TMOD2: variants seen among roughly 807,000 people sequenced by gnomAD.
TMOD2 encodes tropomodulin-2.
A neutral mutation model predicts 39.9 loss-of-function variants in TMOD2; 22 were observed. That is an observed-to-expected ratio of 0.55 (90% CI 0.39 to 0.79). The LOEUF (loss-of-function observed/expected upper bound fraction) is 0.79, where lower values mean the gene tolerates loss of function less well. Among genes scored for constraint, TMOD2 ranks in the 30% least tolerant of loss-of-function variants. The pLI is 0.00. For missense variants in TMOD2, 386 were observed against 413.3 expected, an observed-to-expected ratio of 0.93 and a Z score of 0.57; for synonymous variants, 123 against 146.1, an observed-to-expected ratio of 0.84 and a Z score of 1.14.
At chr15:51,788,998 C>T (rs918407106) in intron 7 of TMOD2, among the ~76,000 whole-genome samples, 1 of 152,200 alleles carries the variant, frequency 6.6e-6, no homozygotes, top group Admixed American at 6.5e-5. Flanking sequence ...GGATCAAATT[C>T]ACATATAACA....
In TMOD2 at chr15:51,782,775, C is replaced by A. The variant is rs781744279; in HGVS notation, c.679C>A (p.His227Asn). The change falls in exon 7 of 10, where the codon CAC (histidine) becomes AAC (asparagine). Residue 227 changes from histidine (H) to asparagine (N), a missense_variant. His to Asn is a moderately conservative substitution (Grantham distance 68, BLOSUM62 1). Transcript: ENST00000249700. The stretch of plus-strand genomic sequence containing the variant: ...TGCAAAGGCTCTGGAGACCAACACT[C>A]ACGTGAAGAAGTTCAGCCTGGCCGC... ...EFAKALETNT[H>N]VKKFSLAATR... 2 of 1,614,086 alleles carry A rather than the reference C, an allele frequency of 1.2e-6. No individual in the cohort carries two copies. The highest frequency in any genetic ancestry group is 1.1e-5 in the South Asian group (1 of 91,074).
Position 51,805,420 on chromosome 15 carries a change from A to G in TMOD2, c.877-957A>G, listed in dbSNP as rs16964530. Among the ~76,000 whole-genome samples the G allele has an allele frequency of 9.4e-3, 1,427 of 152,336 alleles. 15 individuals are homozygous for G. The highest frequency in any genetic ancestry group is 0.019 in the African/African-American group (789 of 41,564). On this transcript the variant is annotated intron_variant, in intron 8 of 9. Transcript: ENST00000249700. ...GTTTGCTGATTTCATCCAAACGTGTACATGGTTCAAACCACAATAAAGCTG... is the reference window on the plus strand; with the variant it reads ...GTTTGCTGATTTCATCCAAACGTGTGCATGGTTCAAACCACAATAAAGCTG...
chr15:51,773,918 C>A, intron 4 of TMOD2, 84 bp downstream of exon 4: 1 of 1,456,564 alleles, frequency 6.9e-7, no homozygotes, highest in Non-Finnish European at 9.2e-7. Flanking sequence ...AGGCTTTGAG[C>A]TTCTCTTAGG....
chr15:51,799,376 A>C (rs2056073610), intron 8 of TMOD2, among the ~76,000 whole-genome samples: 1 of 152,128 alleles, frequency 6.6e-6, no homozygotes, highest in African/African-American at 2.4e-5. Flanking sequence ...GCAGAGTGCC[A>C]TCCAGGACTG....
At position 51,768,509 on chromosome 15, in the gene TMOD2, T is replaced by C. The variant is rs943920811; in HGVS notation, c.283+91T>C. 3.1e-6 allele frequency: 4 copies of C among 1,274,788 alleles called. No individual in the cohort carries two copies. In the African/African-American group the frequency reaches 6.0e-5, roughly 19 times the overall value. The allele number at this position is 1,274,788 out of a possible 1,614,324, so 79.0% of individuals were successfully genotyped here. On this transcript the variant is annotated intron_variant, in intron 3 of 9. Transcript: ENST00000249700. Reference sequence around the variant, plus strand: ...ACTCTTAATTAAGATTACCTCTTTTTATTTTATTGTCGTGGAGGATCAAGC... The same window carrying C: ...ACTCTTAATTAAGATTACCTCTTTTCATTTTATTGTCGTGGAGGATCAAGC...
intron 8 of TMOD2, among the ~76,000 whole-genome samples, chr15:51,800,586 C>T (rs2056080663): frequency 6.6e-6 from 1 of 152,164 alleles, no homozygotes; most frequent in Non-Finnish European, 1.5e-5. Flanking sequence ...CTAAAATCCC[C>T]TCTAAATCAA....
chr15:51,775,609 ACT>A (rs2055882790), intron 4 of TMOD2, among the ~76,000 whole-genome samples: 1 of 111,432 alleles, frequency 9.0e-6, no homozygotes, highest in Non-Finnish European at 1.7e-5. Context: ...ACGGAGTCTC[ACT>A]CTGTCACCCA....
chr15:51,799,555 C>G (rs897998581), intron 8 of TMOD2, among the ~76,000 whole-genome samples: 8 of 152,164 alleles, frequency 5.3e-5, no homozygotes, highest in African/African-American at 1.9e-4. Context: ...CTTTTACATT[C>G]GCATCCTGCC....
At chr15:51,802,928 T>C (rs7171516) in intron 8 of TMOD2, among the ~76,000 whole-genome samples, 57,592 of 152,000 alleles carry the variant, frequency 0.38, 11,083 homozygotes, top group Middle Eastern at 0.44. Context: ...TTAAACTTGC[T>C]TGGGACGCAA....
At position 51,802,052 on chromosome 15, in the gene TMOD2, A is replaced by G. The variant is rs1038309306; in HGVS notation, c.876+3712A>G. Among the ~76,000 whole-genome samples the G allele has an allele frequency of 2.6e-5, 4 of 151,966 alleles. No individual in the cohort carries two copies. In the South Asian group the frequency reaches 6.2e-4, roughly 24 times the overall value. On this transcript the variant is annotated intron_variant, in intron 8 of 9. Transcript: ENST00000249700. The stretch of plus-strand genomic sequence containing the variant: ...TTATAAGAAATTTTGATGCCCATCT[A>G]TTGTCCTGGGTTTATGTAAGACCTC...
chr15:51,760,543 G>A (rs1422729917), intron 1 of TMOD2, among the ~76,000 whole-genome samples: 2 of 152,248 alleles, frequency 1.3e-5, no homozygotes, highest in East Asian at 3.9e-4. Context: ...GGTGGCTCAC[G>A]CCTATAATCT....
chr15:51,761,478 G>A (rs1340490164), intron 1 of TMOD2, among the ~76,000 whole-genome samples: 1 of 152,072 alleles, frequency 6.6e-6, no homozygotes, highest in African/African-American at 2.4e-5. Context: ...TGTAATTCCA[G>A]CACTTTGGGA....
At chr15:51,778,258 T>G (rs2055902676) in intron 5 of TMOD2, among the ~76,000 whole-genome samples, 1 of 146,246 alleles carries the variant, frequency 6.8e-6, no homozygotes, top group African/African-American at 2.5e-5. Flanking sequence ...ACACCGCATC[T>G]TCTCACTCAT....
intron 7 of TMOD2, among the ~76,000 whole-genome samples, chr15:51,792,856 G>T (rs1366486607): frequency 6.6e-6 from 1 of 152,134 alleles, no homozygotes; most frequent in African/African-American, 2.4e-5. Context: ...ACACACCGGG[G>T]CCTGTGGAGG....
intron 1 of TMOD2, among the ~76,000 whole-genome samples, chr15:51,758,945 C>T (rs557310783): frequency 2.6e-5 from 4 of 152,260 alleles, no homozygotes; most frequent in Admixed American, 2.0e-4. Flanking sequence ...ATGAGGCTGA[C>T]GAAGATGACA....
chr15:51,791,312 T>G (rs1325785571), intron 7 of TMOD2, among the ~76,000 whole-genome samples: 7 of 152,084 alleles, frequency 4.6e-5, no homozygotes, highest in African/African-American at 2.4e-5. Context: ...AAGGACCTCT[T>G]TAAGGAGAGC....
Position 51,776,955 on chromosome 15 carries a change from C to G in TMOD2, c.430C>G (p.Leu144Val). 1 of 1,613,870 alleles carries G rather than the reference C, an allele frequency of 6.2e-7. No homozygotes were observed. Among genetic ancestry groups the G allele is most frequent in the Non-Finnish European group, 8.5e-7 (1 of 1,179,840 alleles). ...AGCTGTCCTTGGAGTACACAATTTG[C>G]TCAACAATCCAAAGTTCGATGAAGA... ...LAAVLGVHNL[L>V]NNPKFDEETA... Residue 144 changes from leucine to valine, a missense_variant, in exon 5 of 10, where the codon CTC becomes GTC. By Grantham distance (32) the Leu-to-Val change is conservative (BLOSUM62 1). Transcript: ENST00000249700.
At chr15:51,796,883 CTCCG>C (rs1220492327) in intron 7 of TMOD2, among the ~76,000 whole-genome samples, 6 of 152,138 alleles carry the variant, frequency 3.9e-5, no homozygotes, top group African/African-American at 7.2e-5. Context: ...GATCATCTAC[CTCCG>C]GTGATCCTGG....
At chr15:51,794,696 C>T (rs542651318) in intron 7 of TMOD2, among the ~76,000 whole-genome samples, 26 of 152,302 alleles carry the variant, frequency 1.7e-4, no homozygotes, top group African/African-American at 6.0e-4. Context: ...CCAGACCATT[C>T]TAATGTGTGG....
Sources: gnomAD v4.1 joint callset for allele counts (sites outside exome capture counted in the v4.1 genomes callset) on GRCh38, gnomAD v4.1.1 for gene constraint, MANE v1.5 for transcripts, NCBI Gene and HGNC (gene_info 2026-07-23, HGNC 2026-07-21) for gene names.